The following THSD4 variants were observed in gnomAD, a reference collection of about 807,000 sequenced individuals.
The protein encoded by THSD4 is thrombospondin type 1 domain containing 4.
In THSD4, 69 loss-of-function variants were observed where a neutral mutation model predicts 119.0. The observed-to-expected ratio is 0.58, with a 90% CI of 0.48 to 0.71. THSD4 has a LOEUF of 0.71. Among genes scored for constraint, THSD4 ranks in the 30% least tolerant of loss-of-function variants. The pLI is 0.00. For missense variants in THSD4, 1,393 were observed against 1,391.1 expected, an observed-to-expected ratio of 1.00 and a Z score of -0.02; for synonymous variants, 524 against 540.4, an observed-to-expected ratio of 0.97 and a Z score of 0.42.
intron 2 of THSD4, among the ~76,000 whole-genome samples, chr15:71,150,442 T>C (rs189316050): frequency 1.3e-5 from 2 of 152,338 alleles, no homozygotes; most frequent in East Asian, 3.9e-4. Flanking sequence ...TGGGGTTATA[T>C]ATTGCTGTGC....
intron 6 of THSD4, among the ~76,000 whole-genome samples, chr15:71,280,973 A>G (rs2044644547): frequency 6.6e-6 from 1 of 152,222 alleles, no homozygotes; most frequent in African/African-American, 2.4e-5. Context: ...CTACAATTGA[A>G]CTTTCTGGAC....
intron 7 of THSD4, among the ~76,000 whole-genome samples, chr15:71,603,596 A>G (rs1262948294): frequency 5.9e-5 from 9 of 152,218 alleles, no homozygotes; most frequent in Admixed American, 3.9e-4. Context: ...CAGGAGGGGA[A>G]TCCTAATATG....
intron 7 of THSD4, among the ~76,000 whole-genome samples, chr15:71,507,910 C>T (rs771937992): frequency 1.3e-5 from 2 of 152,156 alleles, no homozygotes; most frequent in African/African-American, 2.4e-5. Flanking sequence ...CCAGTTAGAT[C>T]TTCTAATAAC....
intron 6 of THSD4, among the ~76,000 whole-genome samples, chr15:71,311,995 C>T (rs760265438): frequency 1.1e-4 from 17 of 152,176 alleles, no homozygotes; most frequent in Non-Finnish European, 1.6e-4. Context: ...GCACTGAAGG[C>T]AGTTATCTTT....
chr15:71,436,529 T>A (rs1182120771), intron 7 of THSD4, among the ~76,000 whole-genome samples: 2 of 152,286 alleles, frequency 1.3e-5, no homozygotes, highest in African/African-American at 2.4e-5. Context: ...GGCTGGCATA[T>A]CAGGTCTGGG....
At chr15:71,719,285 A>G (rs143359623) in intron 8 of THSD4, among the ~76,000 whole-genome samples, 3 of 152,362 alleles carry the variant, frequency 2.0e-5, no homozygotes, top group African/African-American at 7.2e-5. Flanking sequence ...AATGTGTTAC[A>G]TCATGTTTTA....
chr15:71,221,693 G>A (rs2043977108), intron 4 of THSD4, among the ~76,000 whole-genome samples: 1 of 152,162 alleles, frequency 6.6e-6, no homozygotes, highest in African/African-American at 2.4e-5. Flanking sequence ...TGGACATTTA[G>A]GTTGCTTCCA....
At chr15:71,376,434 TG>T (rs1198196001) in intron 6 of THSD4, among the ~76,000 whole-genome samples, 2 of 152,216 alleles carry the variant, frequency 1.3e-5, no homozygotes, top group African/African-American at 4.8e-5. Flanking sequence ...ACCACTCTTC[TG>T]GGTCTTGATT....
intron 11 of THSD4, among the ~76,000 whole-genome samples, chr15:71,740,956 A>G (rs570447518): frequency 1.2e-4 from 18 of 152,302 alleles, no homozygotes; most frequent in African/African-American, 4.3e-4. Context: ...GGCTGTCTCC[A>G]TGAATATACA....
At chr15:71,764,968 G>A (rs2053689515) in intron 15 of THSD4, 52 bp from the exon 16 acceptor site, 2 of 1,569,638 alleles carry the variant, frequency 1.3e-6, no homozygotes, top group South Asian at 1.2e-5. Flanking sequence ...GACAGTAGCT[G>A]CCACCCCCTT....
chr15:71,504,774 A>C (rs1332956105), intron 7 of THSD4, among the ~76,000 whole-genome samples: 2 of 152,108 alleles, frequency 1.3e-5, no homozygotes, highest in African/African-American at 4.8e-5. Flanking sequence ...CTATTAACTA[A>C]ATTCTAGACT....
chr15:71,392,234 A>G (rs1042728525), intron 6 of THSD4, among the ~76,000 whole-genome samples: 2 of 152,206 alleles, frequency 1.3e-5, no homozygotes, highest in African/African-American at 4.8e-5. Context: ...CATGTCTGCA[A>G]TTCTTATAAA....
chr15:71,285,500 A>G (rs2044703817), intron 6 of THSD4, among the ~76,000 whole-genome samples: 1 of 152,216 alleles, frequency 6.6e-6, no homozygotes, highest in Admixed American at 6.5e-5. Context: ...TAAAATTTCA[A>G]GCAACTAAGT....
Position 71,728,696 on chromosome 15 carries a change from G to T in THSD4, c.1505G>T (p.Gly502Val), listed in dbSNP as rs374103567. 1.3e-5 allele frequency: 21 copies of T among 1,614,016 alleles called. No individual in the cohort carries two copies. The highest frequency in any genetic ancestry group is 2.2e-5 in the East Asian group (1 of 44,898). ...GCCGGAGAGTCCTTTTTGGCGGAAG[G>T]TCCCACCAACGAGATCTTGGATGTC... The part of the protein sequence containing the change: ...STAGESFLAE[G>V]PTNEILDVYM... The change falls in exon 9 of 18, where the codon GGT (glycine) becomes GTT (valine). Residue 502 changes from glycine (G) to valine (V), a missense_variant. Physicochemically the swap from Gly to Val is moderately radical, Grantham distance 109. Transcript: ENST00000261862.
At chr15:71,562,492 T>C (rs542317691) in intron 7 of THSD4, among the ~76,000 whole-genome samples, 1 of 152,276 alleles carries the variant, frequency 6.6e-6, no homozygotes, top group South Asian at 2.1e-4. Flanking sequence ...TTATTCAAAG[T>C]GGTTCGCATA....
rs1283877202 is a variant in THSD4, at chr15:71,731,233, T to C, written c.1630+16T>C. ...AGGAGACCAGGTAGAATCCCTTGTC[T>C]TGTGGCCGGGGACTCTGGTCATTTC... On this transcript the variant is annotated intron_variant, in intron 10 of 17. Coordinates refer to ENST00000261862, the MANE Select transcript of THSD4 (RefSeq NM_024817.3). The C allele has an allele frequency of 2.5e-6, 4 of 1,611,590 alleles. No individual in the cohort carries two copies. In the African/African-American group the frequency reaches 4.0e-5, roughly 16 times the overall value.
intron 3 of THSD4, among the ~76,000 whole-genome samples, chr15:71,166,711 C>T (rs1449698036): frequency 2.0e-5 from 3 of 152,122 alleles, no homozygotes; most frequent in African/African-American, 7.2e-5. Context: ...CAGTGTACTT[C>T]ATCAGTAACT....
intron 7 of THSD4, among the ~76,000 whole-genome samples, chr15:71,640,745 C>T (rs1338476783): frequency 1.3e-5 from 2 of 152,138 alleles, no homozygotes; most frequent in Non-Finnish European, 2.9e-5. Flanking sequence ...AACTCCTCAG[C>T]TGTTACTGCC....
In THSD4 at chr15:71,284,684, CT is replaced by C. The variant is rs1308632365; in HGVS notation, c.1015+27973del. Among the ~76,000 whole-genome samples the C allele has an allele frequency of 1.2e-4, 18 of 152,288 alleles. No individual in the cohort carries two copies. The East Asian group carries it at 3.5e-3, about 29-fold the overall frequency. Reference sequence around the variant, plus strand: ...AGCTCTTCATGAAAAACTCTCAAACCTTTTCATATTAGCTCTTCTTTGCAAT... The same window carrying C: ...AGCTCTTCATGAAAAACTCTCAAACCTTTCATATTAGCTCTTCTTTGCAAT... On this transcript the variant is annotated intron_variant, in intron 6 of 17. Coordinates refer to ENST00000261862, the MANE Select transcript of THSD4 (RefSeq NM_024817.3).
Sources: allele counts gnomAD v4.1 joint callset (sites outside exome capture counted in the v4.1 genomes callset), GRCh38; gene constraint gnomAD v4.1.1; transcripts MANE v1.5; gene names NCBI Gene and HGNC (gene_info 2026-07-23, HGNC 2026-07-21).